Variants in POLE observed in about 807,000 individuals in gnomAD.
The protein encoded by POLE is DNA polymerase epsilon catalytic subunit A.
A neutral mutation model predicts 279.2 loss-of-function variants in POLE; 188 were observed. The ratio of observed to expected loss-of-function variants is 0.67; its 90% confidence interval spans 0.60 to 0.76. The LOEUF is 0.76. Among genes scored for constraint, POLE ranks in the 30% least tolerant of loss-of-function variants. The pLI is 0.00. For synonymous variants in POLE, 1,214 were observed against 1,172.5 expected, an observed-to-expected ratio of 1.04 and a Z score of -0.72; for missense variants, 2,703 against 3,016.7, an observed-to-expected ratio of 0.90 and a Z score of 2.44.
intron 25 of POLE, chr12:132,660,254 C>G (rs1265431036): frequency 6.5e-6 from 1 of 153,016 alleles, no homozygotes; most frequent in African/African-American, 2.4e-5. Flanking sequence ...TGTTCCTGAC[C>G]ACAGGCCCCC....
At position 132,634,077 on chromosome 12, in the gene POLE, G is replaced by T. The variant is rs537166855; in HGVS notation, c.6004+109C>A. The T allele has an allele frequency of 1.9e-6, 2 of 1,031,484 alleles. No homozygotes were observed. The highest frequency in any genetic ancestry group is 2.2e-5 in the Admixed American group (1 of 44,750). The allele number at this position is 1,031,484 out of a possible 1,614,324, so 63.9% of individuals were successfully genotyped here. On this transcript the variant is annotated intron_variant, in intron 43 of 48. Transcript: ENST00000320574. The surrounding 1 kb of genome is among the most constrained non-coding windows in gnomAD (Gnocchi z 4.0). ...CCCAACTGCTGGGCAGGCTCCGCCC[G>T]ATCTGATTTTCCCTGTCTCCCTTCT...
rs770297218 is a variant in POLE at position 132,639,193 on chromosome 12, T to C, written c.5484A>G (p.Pro1828=). 1.2e-6 allele frequency: 2 copies of C among 1,614,102 alleles called. No individual in the cohort carries two copies. Among genetic ancestry groups the C allele is most frequent in the East Asian group, 2.2e-5 (1 of 44,880 alleles). Residue 1828 remains proline (P), a synonymous_variant, in exon 40 of 49, where the codon CCA becomes CCG. Coordinates refer to ENST00000320574, the MANE Select transcript of POLE (RefSeq NM_006231.4). The surrounding 1 kb of genome is among the most constrained non-coding windows in gnomAD (Gnocchi z 4.7). Reference sequence around the variant, plus strand: ...GGGCAGGGTCATGAAGCAGAGAGGATGGCGACCGAAGCCAGCGGTAGAAGT... The same window carrying C: ...GGGCAGGGTCATGAAGCAGAGAGGACGGCGACCGAAGCCAGCGGTAGAAGT... The part of the protein sequence containing the change: ...VMHFYRWLRS[P]SSLLHDPALH...
intron 19 of POLE, 88 bp from the exon 20 acceptor site, chr12:132,667,736 T>C (rs1410847606): frequency 7.2e-7 from 1 of 1,383,122 alleles, no homozygotes; most frequent in East Asian, 2.3e-5. Context: ...AGAACATGGC[T>C]TCTACGTCAC....
chr12:132,670,647 C>T (rs1055542709), intron 16 of POLE, among the ~76,000 whole-genome samples: 2 of 151,456 alleles, frequency 1.3e-5, no homozygotes, highest in African/African-American at 2.4e-5. Context: ...CCCGCCACCA[C>T]GCCCGGCTAA....
Position 132,680,559 on chromosome 12 carries a change from T to C in POLE, c.285+48A>G, listed in dbSNP as rs780768194. 3 of 1,395,852 alleles carry C rather than the reference T, an allele frequency of 2.1e-6. No homozygotes were observed. Among genetic ancestry groups the C allele is most frequent in the South Asian group, 2.3e-5 (2 of 86,666 alleles). 86.5% of individuals were successfully genotyped at this position (1,395,852 alleles called of 1,614,324 possible). Reference sequence around the variant, plus strand: ...CCTCCCTGACAGTCACAGAGCTACATGAACACCCATAAAAGTGGGTTTTAG... The same window carrying C: ...CCTCCCTGACAGTCACAGAGCTACACGAACACCCATAAAAGTGGGTTTTAG... On this transcript the variant is annotated intron_variant, in intron 3 of 48. Coordinates refer to ENST00000320574, the MANE Select transcript of POLE (RefSeq NM_006231.4).
chr12:132,668,856 G>A lies in POLE; in HGVS notation c.1878C>T (p.Asp626=), dbSNP rs771910847. ...TGATGTTGGGGTACATGGCCCCCAC[G>A]TCCAGGTGGTAGATGAGTGGACACT... ...RIECPLIYHL[D]VGAMYPNIIL... The change falls in exon 17 of 49, where the codon GAC becomes GAT. Residue 626 remains aspartate, a synonymous_variant. Transcript: ENST00000320574. This position sits in a 1 kb window ranked among gnomAD's most constrained non-coding sequence, Gnocchi z 4.0. The A allele has an allele frequency of 1.7e-5, 28 of 1,613,984 alleles. 1 individual carries two copies. The East Asian group carries it at 3.6e-4, about 21-fold the overall frequency.
Position 132,634,010 on chromosome 12 carries a change from C to T in POLE, c.6004+176G>A. The T allele has an allele frequency of 1.7e-6, 1 of 599,846 alleles. No homozygotes were observed. 37.2% of individuals were successfully genotyped at this position (599,846 alleles called of 1,614,324 possible). ...CCCCTCTCCGGGCCCTCCAGTGGAA[C>T]ATGCCTGGAGCCTGGAGAGGAGGCC... On this transcript the variant is annotated intron_variant, in intron 43 of 48. Transcript: ENST00000320574. The surrounding 1 kb of genome is among the most constrained non-coding windows in gnomAD (Gnocchi z 4.0).
At chr12:132,648,625 T>C (rs1446184191) in intron 32 of POLE, 2 of 283,800 alleles carry the variant, frequency 7.0e-6, no homozygotes, top group Non-Finnish European at 1.3e-5. Flanking sequence ...AATAAAGCTG[T>C]TAACAACCAA....
chr12:132,661,718 C>T lies in POLE; in HGVS notation c.2707-34G>A, dbSNP rs2042686704. On this transcript the variant is annotated intron_variant, in intron 23 of 48. Coordinates refer to ENST00000320574, the MANE Select transcript of POLE (RefSeq NM_006231.4). The surrounding 1 kb of genome is among the most constrained non-coding windows in gnomAD (Gnocchi z 4.1). Reference sequence around the variant, plus strand: ...CAAGAGTGAAGAGGGGGCAGCTTCACTCATGATGGCCCAAACCTGGAAACC... The same window carrying T: ...CAAGAGTGAAGAGGGGGCAGCTTCATTCATGATGGCCCAAACCTGGAAACC... The T allele has an allele frequency of 1.9e-6, 3 of 1,608,400 alleles. No individual in the cohort carries two copies. The highest frequency in any genetic ancestry group is 8.5e-7 in the Non-Finnish European group (1 of 1,176,972).
chr12:132,651,863 A>G (rs1010731929), intron 29 of POLE, among the ~76,000 whole-genome samples: 1 of 152,188 alleles, frequency 6.6e-6, no homozygotes, highest in Non-Finnish European at 1.5e-5. Flanking sequence ...CATGGGAGGG[A>G]GCTCGGAAGT....
In POLE at chr12:132,642,827, G is replaced by A. The variant is rs2138538563; in HGVS notation, c.4721C>T (p.Ala1574Val). 1.2e-6 allele frequency: 2 copies of A among 1,614,036 alleles called. No individual in the cohort carries two copies. The highest frequency in any genetic ancestry group is 1.1e-5 in the South Asian group (1 of 91,072). The change falls in exon 36 of 49, where the codon GCC becomes GTC. Residue 1574 changes from alanine to valine, a missense_variant. Ala to Val is a moderately conservative substitution (Grantham distance 64). Coordinates refer to ENST00000320574, the MANE Select transcript of POLE (RefSeq NM_006231.4). ...ICRAIQRFLLAYKEERRGPTL... is the reference protein window; with the variant it reads ...ICRAIQRFLLVYKEERRGPTL... ...GACCCCAACCACTCTCACCTTGTAGGCGAGCAGGAATCGCTGGATGGCTCT... is the reference window on the plus strand; with the variant it reads ...GACCCCAACCACTCTCACCTTGTAGACGAGCAGGAATCGCTGGATGGCTCT...
rs182806616 is a variant in POLE, at chr12:132,661,371, G to T, written c.2864+156C>A. On this transcript the variant is annotated intron_variant, in intron 24 of 48. Coordinates refer to ENST00000320574, the MANE Select transcript of POLE (RefSeq NM_006231.4). The surrounding 1 kb of genome is among the most constrained non-coding windows in gnomAD (Gnocchi z 4.1). ...GCAGCCACAGAGCCAGAATACAGCA[G>T]GCGGGCAGACAGAGCTGGTGCAAAC... 1.3e-4 allele frequency among the ~76,000 whole-genome samples: 20 copies of T among 152,346 alleles called. No homozygotes were observed. Among genetic ancestry groups the T allele is most frequent in the Non-Finnish European group, 2.6e-4 (18 of 68,032 alleles).
chr12:132,678,275 A>AG (rs1565978694), intron 6 of POLE, among the ~76,000 whole-genome samples: 1 of 151,952 alleles, frequency 6.6e-6, no homozygotes, highest in African/African-American at 2.4e-5. Context: ...CACCCCAACT[A>AG]GAAAAAAAAA....
At chr12:132,644,203 C>T (rs2042223554) in intron 32 of POLE, among the ~76,000 whole-genome samples, 2 of 152,106 alleles carry the variant, frequency 1.3e-5, no homozygotes, top group Admixed American at 6.5e-5. Context: ...AGTCTGTTGC[C>T]CAGGCTGGAG....
chr12:132,626,254 G>A lies in POLE; in HGVS notation c.6394C>T (p.Leu2132=), dbSNP rs1241506272. 1 of 1,613,934 alleles carries A rather than the reference G, an allele frequency of 6.2e-7. No individual in the cohort carries two copies. Residue 2132 remains leucine, a synonymous_variant, in exon 46 of 49, where the codon CTG becomes TTG. Coordinates refer to ENST00000320574, the MANE Select transcript of POLE (RefSeq NM_006231.4). ...TCGGAGAACTCGCCGACATCCACCA[G>A]GCGAAGCAGGTCTCGGTTCAGCTTA... ...VNKLNRDLLR[L]VDVGEFSEEA... is the part of the protein sequence containing the mutation.
chr12:132,640,539 T>C lies in POLE; in HGVS notation c.5378+1108A>G, dbSNP rs549296823. ...GACAGCTAGGCATTGGCCAGTGCACTGTACACGCCCTGTCTGGCCCCCTTC... is the reference window on the plus strand; with the variant it reads ...GACAGCTAGGCATTGGCCAGTGCACCGTACACGCCCTGTCTGGCCCCCTTC... On this transcript the variant is annotated intron_variant, in intron 39 of 48. Transcript: ENST00000320574. Among the ~76,000 whole-genome samples, 72 of 152,382 alleles carry C rather than the reference T, an allele frequency of 4.7e-4. No homozygotes were observed. The Middle Eastern group carries it at 0.01, about 22-fold the overall frequency.
At chr12:132,656,406 G>A (rs2042540439) in intron 29 of POLE, among the ~76,000 whole-genome samples, 2 of 151,886 alleles carry the variant, frequency 1.3e-5, no homozygotes, top group Non-Finnish European at 2.9e-5. Flanking sequence ...TGTCGCCCAG[G>A]GGAGTGCAGT....
rs2042361612 is a variant in POLE at position 132,649,308 on chromosome 12, G to C, written c.4003C>G (p.Gln1335Glu). 1 of 1,613,442 alleles carries C rather than the reference G, an allele frequency of 6.2e-7. No individual in the cohort carries two copies. ...TCCCCTTGGATCAAGGTCTATACCT[G>C]CACAATCTGCCACGGAAGGTCCAGG... Reference protein sequence around the residue: ...SILDLPWQIVQISETSQAGLF... With the variant: ...SILDLPWQIVEISETSQAGLF... The change falls in exon 31 of 49, where the codon CAG (glutamine) becomes GAG (glutamate). Residue 1335 changes from glutamine (Q) to glutamate (E), a missense_variant and splice_region_variant. This residue lies in a region of POLE where 1,551 missense variants were observed against 1,686.1 expected (regional missense o/e 0.92). Coordinates refer to ENST00000320574, the MANE Select transcript of POLE (RefSeq NM_006231.4).
intron 41 of POLE, among the ~76,000 whole-genome samples, chr12:132,637,652 T>C (rs1421029646): frequency 1.3e-5 from 2 of 152,216 alleles, no homozygotes; most frequent in Non-Finnish European, 1.5e-5. Context: ...CTGACGTCTA[T>C]GAAAAGGCTT....
Sources: allele counts gnomAD v4.1 joint callset (sites outside exome capture counted in the v4.1 genomes callset), GRCh38; gene constraint gnomAD v4.1.1; regional missense constraint gnomAD v4.1.1; non-coding constraint Gnocchi (gnomAD v3.1); transcripts MANE v1.5; gene names NCBI Gene and HGNC (gene_info 2026-07-23, HGNC 2026-07-21).